Variants in SPATA17 observed in about 807,000 individuals in gnomAD.
SPATA17 encodes the protein spermatogenesis associated 17, also known as spermatogenesis-associated protein 17.
Under a neutral mutation model 62.2 loss-of-function variants are expected in SPATA17, and 53 were observed. That is an observed-to-expected ratio of 0.85 (90% CI 0.68 to 1.07). SPATA17 has a LOEUF of 1.07. Among genes scored for constraint, SPATA17 ranks in the 50% least tolerant of loss-of-function variants. SPATA17 has a pLI of 0.00. For missense variants in SPATA17, 466 were observed against 425.5 expected, an observed-to-expected ratio of 1.10 and a Z score of -0.84; for synonymous variants, 146 against 146.8, an observed-to-expected ratio of 0.99 and a Z score of 0.04.
intron 5 of SPATA17, among the ~76,000 whole-genome samples, chr1:217,714,488 C>CTTTTTTTTTCTTTTTT (rs1671952724): frequency 8.2e-6 from 1 of 121,432 alleles, no homozygotes; most frequent in Non-Finnish European, 1.7e-5. Flanking sequence ...AAACGTGTTT[C>CTTTTTTTTTCTTTTTT]TTTTTTTTTT....
intron 9 of SPATA17, among the ~76,000 whole-genome samples, chr1:217,817,448 C>T (rs1438501453): frequency 1.3e-5 from 2 of 152,148 alleles, no homozygotes; most frequent in South Asian, 2.1e-4. Flanking sequence ...GTTTGCTTCC[C>T]CTTCTGCCAT....
At chr1:217,683,472 TC>T in intron 5 of SPATA17, 111 bp downstream of exon 5, 1 of 722,298 alleles carries the variant, frequency 1.4e-6, no homozygotes, top group Non-Finnish European at 2.4e-6. Flanking sequence ...GGAGTCTTGC[TC>T]TGTTGCCCAG....
chr1:217,705,912 A>G (rs540289967), intron 5 of SPATA17, among the ~76,000 whole-genome samples: 1 of 152,276 alleles, frequency 6.6e-6, no homozygotes, highest in Admixed American at 6.5e-5. Context: ...GTATGGTGTA[A>G]GGAAGAGGTT....
intron 5 of SPATA17, among the ~76,000 whole-genome samples, chr1:217,697,973 A>AT (rs1213188718): frequency 6.6e-6 from 1 of 151,022 alleles, no homozygotes; most frequent in African/African-American, 2.4e-5. Context: ...ACTCTTCACC[A>AT]TTTTTTTTTC....
At chr1:217,705,208 A>G (rs1351130932) in intron 5 of SPATA17, among the ~76,000 whole-genome samples, 1 of 151,980 alleles carries the variant, frequency 6.6e-6, no homozygotes, top group East Asian at 1.9e-4. Context: ...TCTTCTTTTG[A>G]TAAGTGTCTG....
At chr1:217,668,642 A>G (rs1264640950) in intron 3 of SPATA17, among the ~76,000 whole-genome samples, 2 of 152,198 alleles carry the variant, frequency 1.3e-5, no homozygotes, top group African/African-American at 4.8e-5. Context: ...GTCTTGAAAT[A>G]TGAATTCCTT....
At chr1:217,723,611 TG>T (rs1432191244) in intron 5 of SPATA17, among the ~76,000 whole-genome samples, 1 of 152,152 alleles carries the variant, frequency 6.6e-6, no homozygotes, top group East Asian at 1.9e-4. Flanking sequence ...TGAAACATAG[TG>T]GGAACTCAAG....
At position 217,859,662 on chromosome 1, in the gene SPATA17, C is replaced by T. The variant is rs373100635; in HGVS notation, c.1006-3112C>T. Among the ~76,000 whole-genome samples, 51 of 152,246 alleles carry T rather than the reference C, an allele frequency of 3.3e-4. No homozygotes were observed. In the East Asian group the frequency reaches 8.3e-3, roughly 25 times the overall value. On this transcript the variant is annotated intron_variant, in intron 9 of 10. Transcript: ENST00000366933. ...GCTAAAACAACCCTCCCACCTTGGC[C>T]TCCTGAAGTGCTGGATTATAGGCAT...
At chr1:217,741,470 G>A (rs962888369) in intron 5 of SPATA17, among the ~76,000 whole-genome samples, 1 of 152,024 alleles carries the variant, frequency 6.6e-6, no homozygotes, top group African/African-American at 2.4e-5. Context: ...AATCTTATTG[G>A]TATTATTTGA....
intron 6 of SPATA17, among the ~76,000 whole-genome samples, chr1:217,756,350 T>G (rs192632944): frequency 2.0e-5 from 3 of 151,910 alleles, no homozygotes; most frequent in Admixed American, 6.6e-5. Context: ...AAATCTTATA[T>G]ACCAAGAAAA....
At chr1:217,743,693 T>C (rs960433104) in intron 6 of SPATA17, among the ~76,000 whole-genome samples, 1 of 152,064 alleles carries the variant, frequency 6.6e-6, no homozygotes, top group African/African-American at 2.4e-5. Flanking sequence ...CACTGCAACC[T>C]ACACCTCCTG....
At chr1:217,822,964 A>T (rs186658514) in intron 9 of SPATA17, among the ~76,000 whole-genome samples, 19 of 151,918 alleles carry the variant, frequency 1.3e-4, no homozygotes, top group Admixed American at 3.3e-4. Flanking sequence ...AAGTTTTTCC[A>T]TCAACTCTCA....
intron 9 of SPATA17, among the ~76,000 whole-genome samples, chr1:217,828,796 C>T (rs1298784276): frequency 6.6e-6 from 1 of 152,060 alleles, no homozygotes; most frequent in Non-Finnish European, 1.5e-5. Flanking sequence ...TATGAACAGA[C>T]ATTTCTCTAA....
chr1:217,792,846 G>C (rs751958616), intron 8 of SPATA17, among the ~76,000 whole-genome samples: 1 of 152,098 alleles, frequency 6.6e-6, no homozygotes, highest in African/African-American at 2.4e-5. Context: ...AGGCAGGAAC[G>C]TCCTCTCATG....
intron 6 of SPATA17, among the ~76,000 whole-genome samples, chr1:217,749,661 A>G (rs61825789): frequency 0.031 from 4,675 of 151,954 alleles, 104 homozygotes; most frequent in Middle Eastern, 0.058. Flanking sequence ...AGTCTCTAAA[A>G]TGATTTTCTT....
At chr1:217,664,735 G>C (rs1460298018) in intron 3 of SPATA17, among the ~76,000 whole-genome samples, 2 of 152,086 alleles carry the variant, frequency 1.3e-5, no homozygotes, top group Non-Finnish European at 2.9e-5. Context: ...CCTCAGATTA[G>C]AAATGGGTTC....
At chr1:217,702,423 C>A (rs958355038) in intron 5 of SPATA17, among the ~76,000 whole-genome samples, 4 of 152,118 alleles carry the variant, frequency 2.6e-5, no homozygotes, top group African/African-American at 9.7e-5. Context: ...AATCCAAATT[C>A]TTTCTTCTAC....
intron 8 of SPATA17, 124 bp downstream of exon 8, chr1:217,782,446 C>G (rs1286878608): frequency 9.3e-6 from 10 of 1,079,698 alleles, no homozygotes; most frequent in Non-Finnish European, 1.3e-5. Context: ...CACCCCTGAC[C>G]TGTTCCAAAG....
intron 1 of SPATA17, among the ~76,000 whole-genome samples, chr1:217,644,926 C>G (rs1670146166): frequency 6.6e-6 from 1 of 151,906 alleles, no homozygotes; most frequent in East Asian, 1.9e-4. Context: ...TAATTTGGAA[C>G]TAATTAATAT....
Sources: gnomAD v4.1 joint callset for allele counts (sites outside exome capture counted in the v4.1 genomes callset) on GRCh38, gnomAD v4.1.1 for gene constraint, MANE v1.5 for transcripts, NCBI Gene and HGNC (gene_info 2026-07-23, HGNC 2026-07-21) for gene names.